The following TLK1 variants were observed in gnomAD, a reference collection of about 807,000 sequenced individuals.
TLK1 encodes the protein serine/threonine-protein kinase tousled-like 1.
Under a neutral mutation model 105.3 loss-of-function variants are expected in TLK1, and 24 were observed. The observed-to-expected ratio is 0.23, with a 90% CI of 0.17 to 0.32. The LOEUF is 0.32. Ranked by LOEUF, TLK1 falls within the 10% of genes least tolerant of loss-of-function variation. TLK1 has a pLI of 1.00. For missense variants in TLK1, 558 were observed against 910.5 expected, an observed-to-expected ratio of 0.61 and a Z score of 4.98; for synonymous variants, 321 against 310.4, an observed-to-expected ratio of 1.03 and a Z score of -0.36.
chr2:171,186,773 C>G (rs1034175546), intron 1 of TLK1, among the ~76,000 whole-genome samples: 1 of 151,978 alleles, frequency 6.6e-6, no homozygotes, highest in Non-Finnish European at 1.5e-5. Context: ...AAAGAATACT[C>G]TTTAGGCTGG....
At chr2:171,040,915 A>C (rs1686645794) in intron 11 of TLK1, among the ~76,000 whole-genome samples, 1 of 152,196 alleles carries the variant, frequency 6.6e-6, no homozygotes, top group Admixed American at 6.5e-5. Flanking sequence ...GCTATAATGG[A>C]AAAGCAATGA....
intron 7 of TLK1, 116 bp downstream of exon 7, chr2:171,054,967 T>G: frequency 9.9e-6 from 5 of 506,120 alleles, no homozygotes; most frequent in Non-Finnish European, 1.3e-5. Context: ...TTATCTTTCT[T>G]GATGTGTAAT....
chr2:171,086,644 A>AC (rs1342881012), intron 2 of TLK1, among the ~76,000 whole-genome samples: 9 of 151,906 alleles, frequency 5.9e-5, no homozygotes, highest in African/African-American at 9.6e-5. Flanking sequence ...CAAACAAAAA[A>AC]AAAAAACAGA....
At chr2:171,056,652 A>C (rs1687516549) in intron 5 of TLK1, 86 bp from the exon 6 acceptor site, 1 of 1,064,318 alleles carries the variant, frequency 9.4e-7, no homozygotes, top group Admixed American at 2.2e-5. Flanking sequence ...ATTAATCTAA[A>C]TATACCTAAT....
At chr2:171,045,875 T>G (rs753296788) in intron 11 of TLK1, 18 of 261,268 alleles carry the variant, frequency 6.9e-5, no homozygotes, top group Non-Finnish European at 1.2e-4. Context: ...AACGTTGAAT[T>G]AGAATAATCC....
chr2:171,195,599 C>T (rs1316283524), intron 1 of TLK1, among the ~76,000 whole-genome samples: 2 of 150,538 alleles, frequency 1.3e-5, no homozygotes, highest in Admixed American at 6.6e-5. Context: ...ATGTCCTTGT[C>T]TTTTGTTCCT....
In TLK1 at chr2:170,991,539, A is replaced by C. The variant is rs974032247; in HGVS notation, c.*2241T>G. 1 of 152,232 alleles carries C rather than the reference A, an allele frequency of 6.6e-6. No individual in the cohort carries two copies. Among genetic ancestry groups the C allele is most frequent in the Non-Finnish European group, 1.5e-5 (1 of 68,024 alleles). 9.4% of individuals were successfully genotyped at this position (152,232 alleles called of 1,614,324 possible). On this transcript the variant is annotated 3_prime_UTR_variant, in exon 21 of 21. Transcript: ENST00000431350. Reference sequence around the variant, plus strand: ...TCTCCTACACATCTTTGATTTTAAAATGATGACCTAAACCCAGGTCAGGAA... The same window carrying C: ...TCTCCTACACATCTTTGATTTTAAACTGATGACCTAAACCCAGGTCAGGAA...
intron 1 of TLK1, among the ~76,000 whole-genome samples, chr2:171,180,263 G>A (rs1692906652): frequency 2.0e-5 from 3 of 151,826 alleles, no homozygotes; most frequent in Non-Finnish European, 4.4e-5. Context: ...GTCTCAATAG[G>A]CAGTATTTGT....
intron 3 of TLK1, among the ~76,000 whole-genome samples, chr2:171,079,267 T>C (rs1205534699): frequency 6.6e-6 from 1 of 152,212 alleles, no homozygotes; most frequent in Non-Finnish European, 1.5e-5. Flanking sequence ...AACTCGACTA[T>C]CATCTCTTCT....
intron 2 of TLK1, among the ~76,000 whole-genome samples, chr2:171,098,436 A>G (rs1005850788): frequency 3.3e-5 from 5 of 152,212 alleles, no homozygotes; most frequent in Non-Finnish European, 7.3e-5. Flanking sequence ...TAATCTGAAT[A>G]GTCCTTACAA....
chr2:171,031,674 A>T (rs924380561), intron 11 of TLK1, among the ~76,000 whole-genome samples: 1 of 152,206 alleles, frequency 6.6e-6, no homozygotes, highest in African/African-American at 2.4e-5. Context: ...AACCCCAAAC[A>T]TAAGACTTGA....
At chr2:171,066,931 T>A in intron 3 of TLK1, 1 of 1,544,904 alleles carries the variant, frequency 6.5e-7, no homozygotes, top group Non-Finnish European at 8.7e-7. Context: ...CACTTTCAGA[T>A]AATTTATTCT....
chr2:171,191,979 C>T (rs1267454781), intron 1 of TLK1, among the ~76,000 whole-genome samples: 10 of 152,102 alleles, frequency 6.6e-5, no homozygotes, highest in Admixed American at 5.9e-4. Flanking sequence ...ACCACAGAAT[C>T]CCTTTTACCT....
At chr2:171,001,909 T>C (rs1428615573) in intron 18 of TLK1, among the ~76,000 whole-genome samples, 1 of 152,106 alleles carries the variant, frequency 6.6e-6, no homozygotes, top group Non-Finnish European at 1.5e-5. Flanking sequence ...GCCTCCATAG[T>C]AGCTGAGAAT....
intron 11 of TLK1, among the ~76,000 whole-genome samples, chr2:171,040,313 A>G (rs1215972558): frequency 6.6e-6 from 1 of 152,218 alleles, no homozygotes; most frequent in Non-Finnish European, 1.5e-5. Flanking sequence ...CAACATCAAC[A>G]GTGAACTCTA....
chr2:171,032,017 GGCAGAGGTT>G (rs1686069875), intron 11 of TLK1, among the ~76,000 whole-genome samples: 1 of 152,106 alleles, frequency 6.6e-6, no homozygotes. Context: ...CAACCTGGGA[GGCAGAGGTT>G]GCAGTGAGCT....
intron 18 of TLK1, among the ~76,000 whole-genome samples, chr2:171,004,248 CCACCG>C (rs1684539322): frequency 6.6e-6 from 1 of 152,170 alleles, no homozygotes; most frequent in African/African-American, 2.4e-5. Context: ...CAGGCGTGAG[CCACCG>C]TGTCCAGCCA....
chr2:171,184,835 T>C (rs1692994685), intron 1 of TLK1, among the ~76,000 whole-genome samples: 1 of 138,584 alleles, frequency 7.2e-6, no homozygotes. Context: ...ATAATTATGG[T>C]TGTTTGTTTG....
At chr2:171,021,607 T>G (rs987750534) in intron 12 of TLK1, among the ~76,000 whole-genome samples, 2 of 152,138 alleles carry the variant, frequency 1.3e-5, no homozygotes, top group Non-Finnish European at 2.9e-5. Flanking sequence ...ATGCTCATTA[T>G]GCATATGGCA....
Sources: allele counts gnomAD v4.1 joint callset (sites outside exome capture counted in the v4.1 genomes callset), GRCh38; gene constraint gnomAD v4.1.1; transcripts MANE v1.5; gene names NCBI Gene and HGNC (gene_info 2026-07-23, HGNC 2026-07-21).